The following GAP43 variants were observed in gnomAD, a reference collection of about 807,000 sequenced individuals.
GAP43 encodes the protein neuromodulin.
Under a neutral mutation model 18.6 loss-of-function variants are expected in GAP43, and 6 were observed. The observed-to-expected ratio is 0.32, with a 90% CI of 0.18 to 0.64. The LOEUF is 0.64. GAP43 is among the 30% of genes least tolerant of loss of function. GAP43 has a pLI of 0.78. For synonymous variants in GAP43, 115 were observed against 111.4 expected (o/e 1.03, Z -0.20); for missense variants, 292 against 295.5 (o/e 0.99, Z 0.09).
chr3:115,637,344 A>T (rs1708342463), intron 1 of GAP43, among the ~76,000 whole-genome samples: 2 of 152,114 alleles, frequency 1.3e-5, no homozygotes, highest in South Asian at 4.1e-4. Flanking sequence ...TTAGACTCTA[A>T]GGGAATGTAC....
chr3:115,625,322 A>T (rs1294407227), intron 1 of GAP43, among the ~76,000 whole-genome samples: 1 of 152,112 alleles, frequency 6.6e-6, no homozygotes, highest in Non-Finnish European at 1.5e-5. Context: ...ATCTCCTGAA[A>T]CTGCCCTATG....
intron 2 of GAP43, among the ~76,000 whole-genome samples, chr3:115,689,838 G>GGGC (rs1709082549): frequency 6.6e-6 from 1 of 152,174 alleles, no homozygotes; most frequent in Non-Finnish European, 1.5e-5. Flanking sequence ...AGGGGAGGCA[G>GGGC]AAAGAATAAG....
intron 1 of GAP43, among the ~76,000 whole-genome samples, chr3:115,633,451 C>T (rs564550923): frequency 7.2e-4 from 110 of 152,230 alleles, no homozygotes; most frequent in African/African-American, 2.5e-3. Context: ...CCTATATGTC[C>T]ACATAGTCCA....
intron 1 of GAP43, among the ~76,000 whole-genome samples, chr3:115,637,429 C>T (rs1213730604): frequency 1.3e-5 from 2 of 152,048 alleles, no homozygotes; most frequent in African/African-American, 4.8e-5. Context: ...CATCATGAAA[C>T]ATACCTTGCC....
At chr3:115,663,589 T>C (rs940511077) in intron 1 of GAP43, 21 of 1,303,626 alleles carry the variant, frequency 1.6e-5, no homozygotes, top group Non-Finnish European at 2.0e-5. Context: ...TGTCAAAATC[T>C]TCACAAGGAA....
chr3:115,704,320 C>A (rs1709333678), intron 2 of GAP43, among the ~76,000 whole-genome samples: 1 of 151,960 alleles, frequency 6.6e-6, no homozygotes, highest in African/African-American at 2.4e-5. Context: ...GATATGATAG[C>A]ATTTGTAGTA....
chr3:115,689,660 C>G (rs1709079823), intron 2 of GAP43, among the ~76,000 whole-genome samples: 1 of 151,892 alleles, frequency 6.6e-6, no homozygotes, highest in Non-Finnish European at 1.5e-5. Context: ...GAAAATTGGT[C>G]AGAATGTGAA....
rs112714790 is a variant in GAP43 at position 115,666,105 on chromosome 3, C to T, written c.31-9908C>T. Among the ~76,000 whole-genome samples the T allele has an allele frequency of 3.3e-5, 5 of 151,898 alleles. 1 individual carries two copies. The highest frequency in any genetic ancestry group is 9.7e-5 in the African/African-American group (4 of 41,400). ...TTCTAGTTTCAGTGAATTTCTATCA[C>T]TAAGCTCCTACACTAGGTGAAGTTT... On this transcript the variant is annotated intron_variant, in intron 1 of 2. Transcript: ENST00000305124.
chr3:115,652,356 CTT>C (rs71141831), intron 1 of GAP43, among the ~76,000 whole-genome samples: 261 of 43,714 alleles, frequency 6.0e-3, no homozygotes, highest in African/African-American at 0.015. Flanking sequence ...ATCCAGCATT[CTT>C]TTTTTTTTTT....
At chr3:115,652,390 T>TA in intron 1 of GAP43, among the ~76,000 whole-genome samples, 1 of 119,936 alleles carries the variant, frequency 8.3e-6, no homozygotes, top group Non-Finnish European at 1.7e-5. Flanking sequence ...TTTTTTGTGA[T>TA]AGAGTCTTGC....
chr3:115,668,549 CAAGTAGCTGGG>C (rs1708763256), intron 1 of GAP43, among the ~76,000 whole-genome samples: 1 of 152,146 alleles, frequency 6.6e-6, no homozygotes, highest in Non-Finnish European at 1.5e-5. Context: ...CTCAGCCTCC[CAAGTAGCTGGG>C]ATTACAGGCA....
intron 2 of GAP43, among the ~76,000 whole-genome samples, chr3:115,700,005 AG>A (rs1709277390): frequency 6.6e-6 from 1 of 152,206 alleles, no homozygotes; most frequent in South Asian, 2.1e-4. Flanking sequence ...AGTATAAGAA[AG>A]GGCCTTAAAT....
intron 1 of GAP43, chr3:115,663,577 C>T: frequency 7.6e-7 from 1 of 1,310,632 alleles, no homozygotes; most frequent in Non-Finnish European, 9.7e-7. Context: ...GTGAATTTTC[C>T]CTGTCAAAAT....
At chr3:115,655,850 G>C (rs555986568) in intron 1 of GAP43, among the ~76,000 whole-genome samples, 1 of 152,288 alleles carries the variant, frequency 6.6e-6, no homozygotes, top group African/African-American at 2.4e-5. Context: ...AACTACCCAG[G>C]AGGATCAAAG....
At chr3:115,690,243 T>C (rs1709092025) in intron 2 of GAP43, among the ~76,000 whole-genome samples, 1 of 117,248 alleles carries the variant, frequency 8.5e-6, no homozygotes, top group African/African-American at 3.3e-5. Flanking sequence ...TGCCCACCAT[T>C]GTCTGAGCCC....
intron 1 of GAP43, among the ~76,000 whole-genome samples, chr3:115,656,098 C>A (rs1466809143): frequency 6.6e-6 from 1 of 152,186 alleles, no homozygotes; most frequent in Non-Finnish European, 1.5e-5. Context: ...CCAGCTCTAT[C>A]TGGGGCTCTA....
rs140229315 is a variant in GAP43, at chr3:115,703,320, T to C, written c.629-17474T>C. On this transcript the variant is annotated intron_variant, in intron 2 of 2. Transcript: ENST00000305124. ...TTTGTAACTTTATGAGGAAAGAGGC[T>C]ATTTTTGCCTTTTTGAAGGGCTATC... 5.8e-4 allele frequency among the ~76,000 whole-genome samples: 89 copies of C among 152,250 alleles called. 1 individual carries two copies. Among genetic ancestry groups the C allele is most frequent in the African/African-American group, 2.1e-3 (87 of 41,574 alleles).
intron 1 of GAP43, among the ~76,000 whole-genome samples, chr3:115,674,643 G>A (rs1455905478): frequency 6.6e-6 from 1 of 152,184 alleles, no homozygotes; most frequent in Non-Finnish European, 1.5e-5. Flanking sequence ...TTCAAAAGGA[G>A]AAACAGTGTT....
intron 1 of GAP43, among the ~76,000 whole-genome samples, chr3:115,652,702 A>G (rs1001831348): frequency 6.6e-6 from 1 of 152,160 alleles, no homozygotes; most frequent in African/African-American, 2.4e-5. Flanking sequence ...GCAGTGTTCA[A>G]TAAATGATTT....
Sources: allele counts gnomAD v4.1 joint callset (sites outside exome capture counted in the v4.1 genomes callset), GRCh38; gene constraint gnomAD v4.1.1; transcripts MANE v1.5; gene names NCBI Gene and HGNC (gene_info 2026-07-23, HGNC 2026-07-21).